The following TMTC1 variants were observed in gnomAD, a reference collection of about 807,000 sequenced individuals.
TMTC1 encodes transmembrane O-mannosyltransferase targeting cadherins 1.
In TMTC1, 73 loss-of-function variants were observed where a neutral mutation model predicts 104.8. The ratio of observed to expected loss-of-function variants is 0.70; its 90% CI spans 0.58 to 0.85. The LOEUF (loss-of-function observed/expected upper bound fraction) is 0.85, where lower values mean the gene tolerates loss of function less well. Ranked by LOEUF, TMTC1 falls within the 40% of genes least tolerant of loss-of-function variation. The probability of loss-of-function intolerance (pLI) is 0.00; values close to 1 mark genes in which losing one functional copy is unlikely to be tolerated. For missense variants in TMTC1, 1,035 were observed against 1,096.1 expected, an observed-to-expected ratio of 0.94 and a Z score of 0.79; for synonymous variants, 434 against 428.7, an observed-to-expected ratio of 1.01 and a Z score of -0.15.
intron 6 of TMTC1, among the ~76,000 whole-genome samples, chr12:29,623,387 T>G (rs1355531770): frequency 6.6e-6 from 1 of 152,192 alleles, no homozygotes. Context: ...AAGAGTATGC[T>G]CCCACCTCCA....
rs374038338 is a variant in TMTC1, at chr12:29,671,597, C to T, written c.939-38261G>A. Among the ~76,000 whole-genome samples, 46 of 152,314 alleles carry T rather than the reference C, an allele frequency of 3.0e-4. No homozygotes were observed. The East Asian group carries it at 3.5e-3, about 11-fold the overall frequency. ...GACAACTACAAAGCAGGTGCTATTG[C>T]TATGCTCATTTTATAGACGGGGAAA... On this transcript the variant is annotated intron_variant, in intron 5 of 17. Coordinates refer to ENST00000539277, the MANE Select transcript of TMTC1 (RefSeq NM_001193451.2).
At chr12:29,643,597 T>TTATATATTATATATAATATATATC (rs1432060732) in intron 5 of TMTC1, among the ~76,000 whole-genome samples, 4 of 30,894 alleles carry the variant, frequency 1.3e-4, no homozygotes, top group African/African-American at 2.9e-4. Flanking sequence ...TAAATATATA[T>TTATATATTATATATAATATATATC]TATATATTAT....
In TMTC1 at chr12:29,502,937, T is replaced by A. The variant is rs990644544; in HGVS notation, c.*3909A>T. The stretch of plus-strand genomic sequence containing the variant: ...GAGGGAACAGATGTCAACTATCAGC[T>A]GAATGTAGCTCTTCAATCTGAGAAC... On this transcript the variant is annotated 3_prime_UTR_variant, in exon 18 of 18. Transcript: ENST00000539277. 6.6e-6 allele frequency: 1 copy of A among 152,162 alleles called. No homozygotes were observed. Among genetic ancestry groups the A allele is most frequent in the Non-Finnish European group, 1.5e-5 (1 of 68,030 alleles). 9.4% of individuals were successfully genotyped at this position (152,162 alleles called of 1,614,324 possible).
chr12:29,740,639 C>CT (rs1440344491), intron 5 of TMTC1, among the ~76,000 whole-genome samples: 2 of 152,076 alleles, frequency 1.3e-5, no homozygotes, highest in African/African-American at 4.8e-5. Context: ...CCTATTAGTT[C>CT]TTTCCCTCTA....
rs1408575788 is a variant in TMTC1 at position 29,725,011 on chromosome 12, GTTCTT to G, written c.938+26650_938+26654del. Among the ~76,000 whole-genome samples the G allele has an allele frequency of 1.6e-4, 18 of 115,760 alleles. 1 individual carries two copies. Among genetic ancestry groups the G allele is most frequent in the African/African-American group, 4.6e-4 (15 of 32,326 alleles). The allele number at this position is 115,760 out of a possible 152,430, so 75.9% of individuals were successfully genotyped here. ...CGTAGTTTAGCTATATATCTGCCAA[GTTCTT>G]TTTTTTTTTTTTTTTTTTTTTTGAG... On this transcript the variant is annotated intron_variant, in intron 5 of 17. Transcript: ENST00000539277.
chr12:29,713,327 A>ACG (rs1208012093), intron 5 of TMTC1, among the ~76,000 whole-genome samples: 5 of 149,660 alleles, frequency 3.3e-5, no homozygotes, highest in Non-Finnish European at 6.0e-5. Context: ...ACACACACAC[A>ACG]CACACACACA....
intron 1 of TMTC1, among the ~76,000 whole-genome samples, chr12:29,774,040 G>T (rs559169364): frequency 2.0e-5 from 3 of 152,260 alleles, no homozygotes; most frequent in African/African-American, 7.2e-5. Flanking sequence ...GTGTGTGTGT[G>T]TGTGCAGGTG....
chr12:29,660,045 G>A, intron 5 of TMTC1: 1 of 1,294,804 alleles, frequency 7.7e-7, no homozygotes, highest in Non-Finnish European at 1.1e-6. Context: ...TTTTGCAGGT[G>A]CATTCTGTTC....
chr12:29,784,508 G>A (rs1182664099), upstream of TMTC1: 3 of 152,262 alleles, frequency 2.0e-5, no homozygotes. Flanking sequence ...GCGGGGATAG[G>A]GAGCACCTTC....
intron 6 of TMTC1, among the ~76,000 whole-genome samples, chr12:29,611,352 T>G (rs1003170635): frequency 2.0e-5 from 3 of 152,316 alleles, no homozygotes; most frequent in Non-Finnish European, 4.4e-5. Context: ...TTACTCTAAT[T>G]GAGAATAAAC....
intron 10 of TMTC1, among the ~76,000 whole-genome samples, chr12:29,553,611 T>C (rs1474113570): frequency 6.6e-6 from 1 of 152,206 alleles, no homozygotes; most frequent in African/African-American, 2.4e-5. Context: ...TAAAGTCTTA[T>C]ACAAATGTAA....
chr12:29,744,099 G>A (rs762763115), intron 5 of TMTC1, among the ~76,000 whole-genome samples: 7 of 152,304 alleles, frequency 4.6e-5, no homozygotes, highest in South Asian at 4.1e-4. Context: ...TTCTGACAGC[G>A]TTCTCTTTCA....
chr12:29,672,586 A>T (rs1450987559), intron 5 of TMTC1, among the ~76,000 whole-genome samples: 1 of 152,130 alleles, frequency 6.6e-6, no homozygotes, highest in Non-Finnish European at 1.5e-5. Context: ...CCATTTAAAC[A>T]TCTACAAATT....
chr12:29,502,616 C>T lies in TMTC1; in HGVS notation c.*4230G>A, dbSNP rs138209909. On this transcript the variant is annotated 3_prime_UTR_variant, in exon 18 of 18. Transcript: ENST00000539277. The stretch of plus-strand genomic sequence containing the variant: ...AGTGCAAAACCACCCCACATAACCA[C>T]CTATTTGTAATCATGGAATGATAGC... 1 of 152,284 alleles carries T rather than the reference C, an allele frequency of 6.6e-6. No individual in the cohort carries two copies. The highest frequency in any genetic ancestry group is 2.4e-5 in the African/African-American group (1 of 41,552). 9.4% of individuals were successfully genotyped at this position (152,284 alleles called of 1,614,324 possible).
chr12:29,564,893 T>C (rs1310525657), intron 9 of TMTC1, among the ~76,000 whole-genome samples: 1 of 151,970 alleles, frequency 6.6e-6, no homozygotes, highest in Non-Finnish European at 1.5e-5. Flanking sequence ...AACAGAGGAT[T>C]ATAAATAAGC....
rs1234091190 is a variant in TMTC1 at position 29,661,004 on chromosome 12, G to A, written c.939-27668C>T. The A allele has an allele frequency of 7.0e-6, 3 of 428,196 alleles. No individual in the cohort carries two copies. The East Asian group carries it at 1.5e-4, about 21-fold the overall frequency. The allele number at this position is 428,196 out of a possible 1,614,324, so 26.5% of individuals were successfully genotyped here. A position where few individuals can be genotyped will look rare whatever the true frequency, so the allele number is the denominator to read the frequency against. ...CTGCAGAGAACAATGCTGAGAGCAG[G>A]GCCTCTGGAGCCAGAACACCTGGGT... is the stretch of plus-strand genomic sequence containing the variant. On this transcript the variant is annotated intron_variant, in intron 5 of 17. Coordinates refer to ENST00000539277, the MANE Select transcript of TMTC1 (RefSeq NM_001193451.2).
intron 6 of TMTC1, among the ~76,000 whole-genome samples, chr12:29,620,905 T>C (rs1364622697): frequency 6.6e-6 from 1 of 152,208 alleles, no homozygotes; most frequent in Non-Finnish European, 1.5e-5. Flanking sequence ...ATACAATGGC[T>C]ACTCTCATGG....
chr12:29,556,233 A>T (rs1466663571), intron 10 of TMTC1, among the ~76,000 whole-genome samples: 3 of 152,228 alleles, frequency 2.0e-5, no homozygotes, highest in Non-Finnish European at 4.4e-5. Context: ...GGCAGCAAGT[A>T]AAAAGCAAAC....
chr12:29,593,689 C>T (rs933680690), intron 7 of TMTC1, among the ~76,000 whole-genome samples: 1 of 152,222 alleles, frequency 6.6e-6, no homozygotes, highest in Non-Finnish European at 1.5e-5. Context: ...CCTCTCCCTA[C>T]TCTTCAATGT....
Sources: gnomAD v4.1 joint callset for allele counts (sites outside exome capture counted in the v4.1 genomes callset) on GRCh38, gnomAD v4.1.1 for gene constraint, MANE v1.5 for transcripts, NCBI Gene and HGNC (gene_info 2026-07-23, HGNC 2026-07-21) for gene names.